The following CNTNAP2 variants were observed in gnomAD, a reference collection of about 807,000 sequenced individuals.
The protein encoded by CNTNAP2 is contactin associated protein 2.
A neutral mutation model predicts 155.2 loss-of-function variants in CNTNAP2; 98 were observed. The ratio of observed to expected loss-of-function variants is 0.63; its 90% CI spans 0.54 to 0.75. The LOEUF (loss-of-function observed/expected upper bound fraction) is 0.75, where lower values mean the gene tolerates loss of function less well. CNTNAP2 is among the 30% of genes least tolerant of loss of function. The pLI is 0.00. For synonymous variants in CNTNAP2, 651 were observed against 631.2 expected (o/e 1.03, Z -0.47); for missense variants, 1,727 against 1,688.1 (o/e 1.02, Z -0.40).
At chr7:146,519,166 T>C (rs1326721140) in intron 1 of CNTNAP2, among the ~76,000 whole-genome samples, 1 of 151,870 alleles carries the variant, frequency 6.6e-6, no homozygotes, top group Admixed American at 6.6e-5. Context: ...TCATTAATAT[T>C]GAGTATTGAT....
chr7:146,723,520 G>T (rs1253188283), intron 1 of CNTNAP2, among the ~76,000 whole-genome samples: 1 of 152,132 alleles, frequency 6.6e-6, no homozygotes, highest in Non-Finnish European at 1.5e-5. Flanking sequence ...TTGGTTCAAA[G>T]AAGTTGATCA....
intron 18 of CNTNAP2, among the ~76,000 whole-genome samples, chr7:148,179,406 C>T (rs1169802461): frequency 6.6e-6 from 1 of 151,976 alleles, no homozygotes; most frequent in Non-Finnish European, 1.5e-5. Flanking sequence ...ACTTGGGAGG[C>T]TGAGATGGGA....
intron 12 of CNTNAP2, among the ~76,000 whole-genome samples, chr7:147,599,912 G>A (rs1257941987): frequency 6.6e-6 from 1 of 152,164 alleles, no homozygotes; most frequent in Non-Finnish European, 1.5e-5. Flanking sequence ...TCAATGCAGT[G>A]TATGAGGGTT....
intron 1 of CNTNAP2, among the ~76,000 whole-genome samples, chr7:146,409,784 TTC>T (rs1294856125): frequency 6.6e-6 from 1 of 152,152 alleles, no homozygotes; most frequent in Non-Finnish European, 1.5e-5. Flanking sequence ...AAAACCACTC[TTC>T]GAAAACCACC....
chr7:146,846,849 A>G (rs1423099278), intron 3 of CNTNAP2, among the ~76,000 whole-genome samples: 14 of 152,308 alleles, frequency 9.2e-5, no homozygotes, highest in Admixed American at 3.9e-4. Flanking sequence ...AAATAACAGT[A>G]TATAGTTCTT....
intron 1 of CNTNAP2, among the ~76,000 whole-genome samples, chr7:146,160,982 C>T (rs559501481): frequency 2.6e-5 from 4 of 152,284 alleles, no homozygotes; most frequent in Middle Eastern, 3.4e-3. Flanking sequence ...AATCCAGCAG[C>T]ACATCAAAAA....
chr7:146,201,057 A>T (rs1230461458), intron 1 of CNTNAP2, among the ~76,000 whole-genome samples: 2 of 152,210 alleles, frequency 1.3e-5, no homozygotes, highest in African/African-American at 4.8e-5. Flanking sequence ...AGTGGTCATC[A>T]GATTTGTATT....
At chr7:146,233,855 C>T (rs986872120) in intron 1 of CNTNAP2, among the ~76,000 whole-genome samples, 2 of 150,462 alleles carry the variant, frequency 1.3e-5, no homozygotes, top group Admixed American at 6.7e-5. Context: ...TTTCTTCATC[C>T]AGTCTATCAT....
At chr7:146,971,622 G>C (rs563315913) in intron 3 of CNTNAP2, among the ~76,000 whole-genome samples, 2 of 152,206 alleles carry the variant, frequency 1.3e-5, no homozygotes, top group South Asian at 2.1e-4. Context: ...TTTCTAGGGA[G>C]GGTCCTCTGG....
chr7:147,653,072 G>A (rs985845565), intron 13 of CNTNAP2, among the ~76,000 whole-genome samples: 3 of 151,916 alleles, frequency 2.0e-5, no homozygotes, highest in South Asian at 2.1e-4. Flanking sequence ...TGAAAGAAAC[G>A]AAAAAAACAT....
chr7:148,356,496 C>T (rs79947744), intron 21 of CNTNAP2, among the ~76,000 whole-genome samples: 9,736 of 152,228 alleles, frequency 0.064, 347 homozygotes, highest in Non-Finnish European at 0.079. Context: ...GAGAGCTGGA[C>T]GCCTCTTGGC....
At chr7:148,021,017 C>T (rs1483105251) in intron 15 of CNTNAP2, among the ~76,000 whole-genome samples, 3 of 152,196 alleles carry the variant, frequency 2.0e-5, no homozygotes, top group Admixed American at 2.0e-4. Context: ...CTTGTGCCCA[C>T]GTTAAGCAGG....
rs745795215 is a variant in CNTNAP2 at position 148,084,511 on chromosome 7, C to A, written c.2384-33607C>A. On this transcript the variant is annotated intron_variant, in intron 15 of 23. Transcript: ENST00000361727. ...TGAATATAATTCTTTGCTGAAAATT[C>A]TTTAAAATCATTATCTTTTCTTTCT... Among the ~76,000 whole-genome samples the A allele has an allele frequency of 2.1e-4, 32 of 152,128 alleles. 1 individual carries two copies. Among genetic ancestry groups the A allele is most frequent in the Non-Finnish European group, 4.4e-4 (30 of 68,016 alleles).
intron 8 of CNTNAP2, among the ~76,000 whole-genome samples, chr7:147,235,484 C>G (rs1308034903): frequency 6.6e-6 from 1 of 152,002 alleles, no homozygotes; most frequent in South Asian, 2.1e-4. Flanking sequence ...ATGAGAATGC[C>G]TTTTCCCTTG....
Position 147,551,399 on chromosome 7 carries a change from G to T in CNTNAP2, c.1778-10739G>T, listed in dbSNP as rs562333963. 1.1e-4 allele frequency among the ~76,000 whole-genome samples: 16 copies of T among 152,270 alleles called. No homozygotes were observed. The South Asian group carries it at 2.5e-3, about 24-fold the overall frequency. Reference sequence around the variant, plus strand: ...ACTTCTCTGGTCCTTGATTGTGTAAGGAATGCTGAAGTTATTGACTCCTTA... The same window carrying T: ...ACTTCTCTGGTCCTTGATTGTGTAATGAATGCTGAAGTTATTGACTCCTTA... On this transcript the variant is annotated intron_variant, in intron 11 of 23. Transcript: ENST00000361727.
chr7:147,521,955 T>C (rs1276480032), intron 11 of CNTNAP2, among the ~76,000 whole-genome samples: 1 of 152,216 alleles, frequency 6.6e-6, no homozygotes, highest in Non-Finnish European at 1.5e-5. Context: ...TGCCATAAAC[T>C]GCATGGCTTA....
intron 13 of CNTNAP2, among the ~76,000 whole-genome samples, chr7:147,878,392 G>A (rs1454809853): frequency 1.3e-5 from 2 of 149,924 alleles, no homozygotes; most frequent in African/African-American, 4.9e-5. Flanking sequence ...CCAGCCACTT[G>A]ACTTTGCTAA....
chr7:146,506,233 A>G (rs1089450), intron 1 of CNTNAP2, among the ~76,000 whole-genome samples: 52,087 of 152,042 alleles, frequency 0.34, 10,035 homozygotes, highest in African/African-American at 0.52. Context: ...ATGCCCCTGC[A>G]ACCTCAGCAG....
At chr7:147,330,863 TAC>T (rs1221749307) in intron 9 of CNTNAP2, among the ~76,000 whole-genome samples, 2 of 152,160 alleles carry the variant, frequency 1.3e-5, no homozygotes, top group African/African-American at 4.8e-5. Flanking sequence ...TTATCAAATT[TAC>T]AGATGACACA....
Sources: allele counts gnomAD v4.1 joint callset (sites outside exome capture counted in the v4.1 genomes callset), GRCh38; gene constraint gnomAD v4.1.1; transcripts MANE v1.5; gene names NCBI Gene and HGNC (gene_info 2026-07-23, HGNC 2026-07-21).